CEP78: variants seen among roughly 807,000 people sequenced by gnomAD.
CEP78 encodes centrosomal protein of 78 kDa.
Under a neutral mutation model 81.2 loss-of-function variants are expected in CEP78, and 76 were observed. The observed-to-expected ratio is 0.94, with a 90% confidence interval of 0.78 to 1.13. The LOEUF (loss-of-function observed/expected upper bound fraction) is 1.13, where lower values mean the gene tolerates loss of function less well. CEP78 is among the 50% of genes most tolerant of loss of function. The pLI, the probability that CEP78 is intolerant of heterozygous loss-of-function variation, is 0.00. For synonymous variants in CEP78, 293 were observed against 301.4 expected (o/e 0.97, Z 0.29); for missense variants, 918 against 846.8 (o/e 1.08, Z -1.04).
intron 1 of CEP78, among the ~76,000 whole-genome samples, chr9:78,239,738 C>CTGGT: frequency 6.6e-6 from 1 of 152,318 alleles, no homozygotes; most frequent in South Asian, 2.1e-4. Context: ...GCTGCTCCCT[C>CTGGT]TGGTTAATGC....
At chr9:78,239,738 C>T (rs1826131210) in intron 1 of CEP78, among the ~76,000 whole-genome samples, 1 of 152,200 alleles carries the variant, frequency 6.6e-6, no homozygotes, top group Non-Finnish European at 1.5e-5. Flanking sequence ...GCTGCTCCCT[C>T]TGGTTAATGC....
At chr9:78,239,143 T>G (rs988700081) in intron 1 of CEP78, among the ~76,000 whole-genome samples, 1 of 152,060 alleles carries the variant, frequency 6.6e-6, no homozygotes, top group Non-Finnish European at 1.5e-5. Context: ...TCAGATATTC[T>G]TCACTGAACC....
rs1211648365 is a variant in CEP78, at chr9:78,276,442, T to C, written c.*5591T>C. ...AAAGTTTTTGCTAAGATAAAAACGGTACTAAAAAGTACACATTTTGGGAAA... is the reference window on the plus strand; with the variant it reads ...AAAGTTTTTGCTAAGATAAAAACGGCACTAAAAAGTACACATTTTGGGAAA... On this transcript the variant is annotated 3_prime_UTR_variant, in exon 17 of 17. Transcript: ENST00000643273. 1 of 151,720 alleles carries C rather than the reference T, an allele frequency of 6.6e-6. No individual in the cohort carries two copies. The highest frequency in any genetic ancestry group is 1.5e-5 in the Non-Finnish European group (1 of 67,936). 9.4% of individuals were successfully genotyped at this position (151,720 alleles called of 1,614,324 possible).
intron 1 of CEP78, among the ~76,000 whole-genome samples, chr9:78,236,969 C>CTTTTTTTTTT (rs71360676): frequency 0.011 from 653 of 62,104 alleles, 133 homozygotes; most frequent in Middle Eastern, 0.054. Context: ...CAGCCTTTGT[C>CTTTTTTTTTT]TTTTTTTTTT....
intron 8 of CEP78, among the ~76,000 whole-genome samples, 193 bp from the exon 9 acceptor site, chr9:78,251,715 A>G (rs1826769319): frequency 6.6e-6 from 1 of 151,162 alleles, no homozygotes; most frequent in Non-Finnish European, 1.5e-5. Context: ...ATTTAAGTAT[A>G]TTAAAAATAT....
intron 11 of CEP78, among the ~76,000 whole-genome samples, chr9:78,259,985 T>G (rs1229618904): frequency 6.6e-6 from 1 of 152,234 alleles, no homozygotes; most frequent in Non-Finnish European, 1.5e-5. Flanking sequence ...TATTCAGCAA[T>G]TATTTATTGG....
Position 78,266,478 on chromosome 9 carries a change from C to T in CEP78, c.1882C>T (p.Pro628Ser), listed in dbSNP as rs977096894. 1 of 1,611,438 alleles carries T rather than the reference C, an allele frequency of 6.2e-7. No individual in the cohort carries two copies. Among genetic ancestry groups the T allele is most frequent in the Non-Finnish European group, 8.5e-7 (1 of 1,178,208 alleles). ...KITGDARIPL[P>S]LDSFPVPVST... is the part of the protein sequence containing the mutation. Reference sequence around the variant, plus strand: ...TACAGGTGATGCTAGAATTCCTTTGCCTCTCGACTCCTTTCCTGTCCCAGT... The same window carrying T: ...TACAGGTGATGCTAGAATTCCTTTGTCTCTCGACTCCTTTCCTGTCCCAGT... Residue 628 changes from proline to serine, a missense_variant, in exon 16 of 17, where the codon CCT becomes TCT. By Grantham distance (74) the Pro-to-Ser change is moderately conservative (BLOSUM62 -1). Transcript: ENST00000643273.
intron 11 of CEP78, among the ~76,000 whole-genome samples, chr9:78,259,497 T>C (rs1294777252): frequency 1.3e-5 from 2 of 152,228 alleles, no homozygotes. Flanking sequence ...TTAAAAAACC[T>C]GCTTAAAGAA....
intron 11 of CEP78, among the ~76,000 whole-genome samples, chr9:78,261,405 A>G (rs1827267584): frequency 6.6e-6 from 1 of 152,204 alleles, no homozygotes; most frequent in East Asian, 1.9e-4. Flanking sequence ...TAGAAGGGAG[A>G]AAGGGGAGCA....
rs1166732115 is a variant in CEP78 at position 78,279,228 on chromosome 9, T to C, written c.*8377T>C. 1 of 152,204 alleles carries C rather than the reference T, an allele frequency of 6.6e-6. No individual in the cohort carries two copies. The highest frequency in any genetic ancestry group is 1.5e-5 in the Non-Finnish European group (1 of 68,026). 9.4% of individuals were successfully genotyped at this position (152,204 alleles called of 1,614,324 possible). On this transcript the variant is annotated 3_prime_UTR_variant, in exon 17 of 17. Coordinates refer to ENST00000643273, the MANE Select transcript of CEP78 (RefSeq NM_001330691.3). ...AAAGTCCTTGAAATGTGAAGGCGGC[T>C]TTTATCTCCTTAAGAAAACAAGAAA...
At chr9:78,259,370 T>A (rs941596214) in intron 11 of CEP78, among the ~76,000 whole-genome samples, 11 of 152,094 alleles carry the variant, frequency 7.2e-5, no homozygotes, top group Admixed American at 5.9e-4. Flanking sequence ...GTAGAAGATA[T>A]GGGGGATTTC....
At chr9:78,258,930 C>CG (rs1827155777) in intron 11 of CEP78, among the ~76,000 whole-genome samples, 2 of 152,174 alleles carry the variant, frequency 1.3e-5, no homozygotes, top group Admixed American at 6.5e-5. Context: ...AGCACACCTA[C>CG]TTTGGAAAGC....
Position 78,274,079 on chromosome 9 carries a change from G to A in CEP78, c.*3228G>A, listed in dbSNP as rs1473669877. ...TGAAAACTTAGTTCACACAAAACCT[G>A]TGCGTGGATATTTATAGCAGCTCCA... On this transcript the variant is annotated 3_prime_UTR_variant, in exon 17 of 17. Coordinates refer to ENST00000643273, the MANE Select transcript of CEP78 (RefSeq NM_001330691.3). 3.3e-5 allele frequency: 5 copies of A among 152,270 alleles called. No homozygotes were observed. The highest frequency in any genetic ancestry group is 1.2e-4 in the African/African-American group (5 of 41,454). 9.4% of individuals were successfully genotyped at this position (152,270 alleles called of 1,614,324 possible). A position where few individuals can be genotyped will look rare whatever the true frequency, so the allele number is the denominator to read the frequency against.
chr9:78,261,458 G>A (rs1452671684), intron 11 of CEP78, among the ~76,000 whole-genome samples: 2 of 152,096 alleles, frequency 1.3e-5, no homozygotes, highest in East Asian at 1.9e-4. Context: ...ATCATTAGTC[G>A]TTTTTAAGTA....
intron 1 of CEP78, among the ~76,000 whole-genome samples, chr9:78,239,389 C>G (rs1826110460): frequency 6.6e-6 from 1 of 152,210 alleles, no homozygotes; most frequent in South Asian, 2.1e-4. Context: ...GTATTGGTTG[C>G]TTGTGTTCTG....
rs144579302 is a variant in CEP78 at position 78,250,029 on chromosome 9, G to C, written c.1069+1156G>C. ...GAACTGTACACTTAAAAATGGCTAAGATATAAAACAATTTAACATAAAATA... is the reference window on the plus strand; with the variant it reads ...GAACTGTACACTTAAAAATGGCTAACATATAAAACAATTTAACATAAAATA... On this transcript the variant is annotated intron_variant, in intron 8 of 16. Transcript: ENST00000643273. 69 of 352,120 alleles carry C rather than the reference G, an allele frequency of 2.0e-4. No individual in the cohort carries two copies. In the East Asian group the frequency reaches 2.9e-3, roughly 15 times the overall value. The allele number at this position is 352,120 out of a possible 1,614,324, so 21.8% of individuals were successfully genotyped here.
intron 5 of CEP78, among the ~76,000 whole-genome samples, chr9:78,245,073 G>T (rs959905263): frequency 2.0e-5 from 3 of 152,008 alleles, no homozygotes; most frequent in Non-Finnish European, 4.4e-5. Flanking sequence ...TCATTCTTCT[G>T]CAGCAAGAGT....
rs1826149313 is a variant in CEP78 at position 78,240,066 on chromosome 9, A to G, written c.297A>G (p.Ile99Met). 4.4e-6 allele frequency: 7 copies of G among 1,584,026 alleles called. No homozygotes were observed. Among genetic ancestry groups the G allele is most frequent in the Non-Finnish European group, 6.0e-6 (7 of 1,173,064 alleles). Reference protein sequence around the residue: ...NKFCRSRVPAIRYKDVTFQLC... With the variant: ...NKFCRSRVPAMRYKDVTFQLC... The stretch of plus-strand genomic sequence containing the variant: ...TTTGCAGAAGTCGTGTTCCTGCGAT[A>G]AGATACAAAGATGTGACCTTCCAGT... The change falls in exon 2 of 17, where the codon ATA (isoleucine) becomes ATG (methionine). Residue 99 changes from isoleucine to methionine, a missense_variant. Transcript: ENST00000643273.
intron 11 of CEP78, among the ~76,000 whole-genome samples, chr9:78,256,521 C>CTTTTTTTTTTTTTTTTTTTTT (rs1354207434): frequency 6.9e-6 from 1 of 144,784 alleles, no homozygotes; most frequent in African/African-American, 2.6e-5. Context: ...CCTCTGCTCC[C>CTTTTTTTTTTTTTTTTTTTTT]TTATTTTTTT....
Sources: allele counts gnomAD v4.1 joint callset (sites outside exome capture counted in the v4.1 genomes callset), GRCh38; gene constraint gnomAD v4.1.1; transcripts MANE v1.5; gene names NCBI Gene and HGNC (gene_info 2026-07-23, HGNC 2026-07-21).